SNCAIP: variants seen among roughly 807,000 people sequenced by gnomAD.
SNCAIP encodes the protein synuclein alpha interacting protein.
A neutral mutation model predicts 86.7 loss-of-function variants in SNCAIP; 43 were observed. The ratio of observed to expected loss-of-function variants is 0.50; its 90% CI spans 0.39 to 0.64. SNCAIP has a LOEUF of 0.64. Among genes scored for constraint, SNCAIP ranks in the 30% least tolerant of loss-of-function variants. SNCAIP has a pLI of 0.00. For missense variants in SNCAIP, 981 were observed against 1,103.1 expected (o/e 0.89, Z 1.57); for synonymous variants, 417 against 427.2 (o/e 0.98, Z 0.29).
At chr5:122,392,681 T>C (rs1333400909) in intron 2 of SNCAIP, among the ~76,000 whole-genome samples, 1 of 152,208 alleles carries the variant, frequency 6.6e-6, no homozygotes, top group African/African-American at 2.4e-5. Flanking sequence ...CAGCCTGGGT[T>C]CCTACCTTGT....
intron 3 of SNCAIP, among the ~76,000 whole-genome samples, chr5:122,412,237 G>A (rs1215914105): frequency 6.6e-6 from 1 of 151,832 alleles, no homozygotes; most frequent in Non-Finnish European, 1.5e-5. Flanking sequence ...GCTCCTCCTT[G>A]CCAACCCTCC....
At chr5:122,325,840 GA>G (rs1288820196) in intron 1 of SNCAIP, among the ~76,000 whole-genome samples, 1 of 152,078 alleles carries the variant, frequency 6.6e-6, no homozygotes, top group Non-Finnish European at 1.5e-5. Context: ...TAAAGATGGG[GA>G]AAAATGAAAC....
chr5:122,393,163 C>T (rs1391775506), intron 2 of SNCAIP, among the ~76,000 whole-genome samples: 1 of 152,104 alleles, frequency 6.6e-6, no homozygotes, highest in East Asian at 1.9e-4. Context: ...CCAAAATTTC[C>T]CTCTTAAACA....
At chr5:122,345,786 A>G (rs985584430) in intron 1 of SNCAIP, among the ~76,000 whole-genome samples, 6 of 151,860 alleles carry the variant, frequency 4.0e-5, no homozygotes, top group Non-Finnish European at 8.8e-5. Context: ...TTAGCCTCCC[A>G]AGTGCCTAGG....
chr5:122,358,344 A>G (rs1024698419), intron 1 of SNCAIP, among the ~76,000 whole-genome samples: 4 of 130,822 alleles, frequency 3.1e-5, no homozygotes, highest in Admixed American at 7.6e-5. Flanking sequence ...TCCTAATGCT[A>G]TCCCTCCCCC....
At chr5:122,460,102 A>C (rs1361785434) in intron 10 of SNCAIP, among the ~76,000 whole-genome samples, 3 of 152,062 alleles carry the variant, frequency 2.0e-5, no homozygotes, top group Non-Finnish European at 4.4e-5. Context: ...TAATCTTCTC[A>C]ATGACACTAT....
chr5:122,338,301 G>A (rs1368196422), intron 1 of SNCAIP, among the ~76,000 whole-genome samples: 1 of 152,144 alleles, frequency 6.6e-6, no homozygotes, highest in East Asian at 1.9e-4. Context: ...CAGATAGAGG[G>A]ATGTAGATAT....
chr5:122,441,424 A>G (rs764093647), intron 7 of SNCAIP: 2 of 153,504 alleles, frequency 1.3e-5, no homozygotes, highest in Non-Finnish European at 2.9e-5. Flanking sequence ...AAATATTGTC[A>G]TATCCAGTGT....
intron 1 of SNCAIP, among the ~76,000 whole-genome samples, chr5:122,319,851 A>G (rs1261686976): frequency 1.3e-5 from 2 of 152,270 alleles, no homozygotes; most frequent in Non-Finnish European, 2.9e-5. Flanking sequence ...GTTTTAAGCC[A>G]TGGAGGAGAA....
At chr5:122,420,953 A>G (rs1378739811) in intron 3 of SNCAIP, among the ~76,000 whole-genome samples, 1 of 152,242 alleles carries the variant, frequency 6.6e-6, no homozygotes. Flanking sequence ...ATTAAACTGT[A>G]AATCCCTCAG....
intron 1 of SNCAIP, among the ~76,000 whole-genome samples, chr5:122,382,949 G>C (rs2152820766): frequency 6.6e-6 from 1 of 152,334 alleles, no homozygotes; most frequent in African/African-American, 2.4e-5. Flanking sequence ...CTTCAAAGCT[G>C]TCAGACAGGG....
intron 3 of SNCAIP, among the ~76,000 whole-genome samples, chr5:122,408,376 C>CA (rs1253076305): frequency 1.3e-5 from 2 of 152,162 alleles, no homozygotes; most frequent in East Asian, 3.9e-4. Flanking sequence ...GTGAGACACG[C>CA]AGCCTAGGGC....
chr5:122,449,023 A>C (rs951497868), intron 8 of SNCAIP, among the ~76,000 whole-genome samples: 19 of 152,068 alleles, frequency 1.2e-4, no homozygotes, highest in Non-Finnish European at 2.5e-4. Context: ...CTCAAAAAAA[A>C]AAATGAGGTT....
At position 122,423,025 on chromosome 5, in the gene SNCAIP, C is replaced by T. The variant is rs769631540; in HGVS notation, c.288C>T (p.Asp96=). The change falls in exon 4 of 11, where the codon GAC becomes GAT. Residue 96 remains aspartate (D), a synonymous_variant. Coordinates refer to ENST00000261368, the MANE Select transcript of SNCAIP (RefSeq NM_005460.4). ...PETLENNESD[D]QKNQKVVEYQ... ...CTCTGGAGAACAATGAAAGTGATGA[C>T]CAAAAGAACCAGAAAGTGGTTGAGT... The T allele has an allele frequency of 6.2e-7, 1 of 1,614,066 alleles. No homozygotes were observed. Among genetic ancestry groups the T allele is most frequent in the Admixed American group, 1.7e-5 (1 of 60,022 alleles).
At chr5:122,314,146 G>A (rs1751227369) in intron 1 of SNCAIP, among the ~76,000 whole-genome samples, 1 of 152,156 alleles carries the variant, frequency 6.6e-6, no homozygotes, top group Non-Finnish European at 1.5e-5. Flanking sequence ...TCTGGTGCAG[G>A]TGTACAGTGG....
At chr5:122,461,042 AC>A (rs1296298218) in intron 10 of SNCAIP, among the ~76,000 whole-genome samples, 1 of 151,950 alleles carries the variant, frequency 6.6e-6, no homozygotes, top group Non-Finnish European at 1.5e-5. Flanking sequence ...ATATCTTCCC[AC>A]CCAAGGAAGG....
chr5:122,335,394 C>G (rs1028138946), intron 1 of SNCAIP, among the ~76,000 whole-genome samples: 2 of 152,178 alleles, frequency 1.3e-5, no homozygotes, highest in Non-Finnish European at 2.9e-5. Flanking sequence ...TTTTTCTCAA[C>G]TTTCTTAATC....
At chr5:122,417,133 C>T (rs1311102060) in intron 3 of SNCAIP, among the ~76,000 whole-genome samples, 1 of 152,168 alleles carries the variant, frequency 6.6e-6, no homozygotes, top group Non-Finnish European at 1.5e-5. Flanking sequence ...CCAGCATTGA[C>T]GTTTGGTCCT....
At chr5:122,380,999 GA>G (rs973298238) in intron 1 of SNCAIP, among the ~76,000 whole-genome samples, 1 of 146,600 alleles carries the variant, frequency 6.8e-6, no homozygotes, top group South Asian at 2.2e-4. Context: ...TTGTGGTGCT[GA>G]AAAAAATGTA....
Sources: allele counts gnomAD v4.1 joint callset (sites outside exome capture counted in the v4.1 genomes callset), GRCh38; gene constraint gnomAD v4.1.1; transcripts MANE v1.5; gene names NCBI Gene and HGNC (gene_info 2026-07-23, HGNC 2026-07-21).